Variants in CR2 observed in about 807,000 individuals in gnomAD.
CR2 encodes complement receptor type 2.
In CR2, 96 loss-of-function variants were observed where a neutral mutation model predicts 123.0. The observed-to-expected ratio is 0.78, with a 90% confidence interval of 0.66 to 0.93. The LOEUF is 0.93. CR2 is among the 40% of genes least tolerant of loss of function. The pLI is 0.00. For synonymous variants in CR2, 484 were observed against 469.5 expected, an observed-to-expected ratio of 1.03 and a Z score of -0.40; for missense variants, 1,258 against 1,361.0, an observed-to-expected ratio of 0.92 and a Z score of 1.19.
intron 15 of CR2, among the ~76,000 whole-genome samples, chr1:207,477,218 C>A (rs1480845989): frequency 6.6e-6 from 1 of 152,162 alleles, no homozygotes; most frequent in Non-Finnish European, 1.5e-5. Flanking sequence ...ACAATCATGG[C>A]AGAAGGTGAA....
At chr1:207,471,318 T>C (rs1469518484) in intron 8 of CR2, 105 bp from the exon 9 acceptor site, 18 of 984,582 alleles carry the variant, frequency 1.8e-5, no homozygotes, top group South Asian at 2.6e-5. Flanking sequence ...TTTTTGTTGC[T>C]ATTGCTTCTT....
At chr1:207,468,482 A>G in intron 2 of CR2, 45 bp from the exon 3 acceptor site, 1 of 1,592,056 alleles carries the variant, frequency 6.3e-7, no homozygotes, top group Non-Finnish European at 8.6e-7. Context: ...ATTGTGAAGG[A>G]TGCATCATCT....
chr1:207,463,510 A>C (rs569782534), intron 1 of CR2, among the ~76,000 whole-genome samples: 1 of 152,294 alleles, frequency 6.6e-6, no homozygotes, highest in Non-Finnish European at 1.5e-5. Flanking sequence ...ATTTGGCTTT[A>C]AATTGTATGA....
At chr1:207,478,300 A>G (rs1256034212) in intron 16 of CR2, among the ~76,000 whole-genome samples, 1 of 151,852 alleles carries the variant, frequency 6.6e-6, no homozygotes, top group East Asian at 1.9e-4. Flanking sequence ...AGGCAGGAGG[A>G]TTGCTTGAGC....
chr1:207,460,214 T>C (rs1012777298), intron 1 of CR2, among the ~76,000 whole-genome samples: 1 of 152,214 alleles, frequency 6.6e-6, no homozygotes, highest in Admixed American at 6.5e-5. Flanking sequence ...TGATATTCCT[T>C]ATAGAATCTT....
At chr1:207,466,025 A>G (rs1270387547) in intron 1 of CR2, among the ~76,000 whole-genome samples, 1 of 152,208 alleles carries the variant, frequency 6.6e-6, no homozygotes, top group Non-Finnish European at 1.5e-5. Context: ...TACTTTTAGC[A>G]CTGGATTCTC....
At chr1:207,476,048 G>A (rs188122877) in intron 14 of CR2, among the ~76,000 whole-genome samples, 186 bp from the exon 15 acceptor site, 2 of 152,100 alleles carry the variant, frequency 1.3e-5, no homozygotes, top group Admixed American at 1.3e-4. Context: ...AAATCATATT[G>A]GCTATCAGTA....
chr1:207,455,597 T>C (rs935272273), intron 1 of CR2, among the ~76,000 whole-genome samples: 1 of 152,242 alleles, frequency 6.6e-6, no homozygotes, highest in African/African-American at 2.4e-5. Context: ...AACTTTTTGC[T>C]TTCCTGACAT....
intron 16 of CR2, among the ~76,000 whole-genome samples, chr1:207,478,813 C>T (rs1658519839): frequency 6.6e-6 from 1 of 151,804 alleles, no homozygotes; most frequent in Admixed American, 6.6e-5. Flanking sequence ...TGCATTCTAA[C>T]CTGAGAAATC....
chr1:207,481,491 AATT>A (rs905721284), intron 18 of CR2, among the ~76,000 whole-genome samples: 1 of 152,126 alleles, frequency 6.6e-6, no homozygotes, highest in Non-Finnish European at 1.5e-5. Context: ...ACTATTTTGA[AATT>A]TTCTTCTATT....
In CR2 at chr1:207,470,113, C is replaced by T. The variant is rs199538918; in HGVS notation, c.1225+11C>T. On this transcript the variant is annotated intron_variant, in intron 6 of 19. Transcript: ENST00000367057. ...CAGTCTGTGAAAAGGGTGAGTGTTC[C>T]GGTACTCAGAAAAGGTGCTTCTGAT... 3,209 of 1,612,972 alleles carry T rather than the reference C, an allele frequency of 2.0e-3. 9 individuals are homozygous for T. Among genetic ancestry groups the T allele is most frequent in the Middle Eastern group, 3.8e-3 (21 of 5,536 alleles).
At position 207,474,326 on chromosome 1, in the gene CR2, A is replaced by G. The variant is rs369880781; in HGVS notation, c.2323+3A>G. On this transcript the variant is annotated splice_donor_region_variant and intron_variant, in intron 13 of 19. Coordinates refer to ENST00000367057, the MANE Select transcript of CR2 (RefSeq NM_001006658.3). ...CAAAAAGATTCCACTTTGTAAAGGT[A>G]AGTTAGAAAAAATAAAAGCCTGACA... 88 of 1,600,736 alleles carry G rather than the reference A, an allele frequency of 5.5e-5. No homozygotes were observed. The highest frequency in any genetic ancestry group is 6.8e-5 in the Non-Finnish European group (80 of 1,168,160).
chr1:207,458,099 C>CACACACACACACA (rs1558186158), intron 1 of CR2, among the ~76,000 whole-genome samples: 1 of 150,816 alleles, frequency 6.6e-6, no homozygotes, highest in African/African-American at 2.4e-5. Context: ...CACACACACA[C>CACACACACACACA]TCCTTTTTCA....
At chr1:207,472,021 C>T (rs543724261) in intron 9 of CR2, 24 of 182,894 alleles carry the variant, frequency 1.3e-4, no homozygotes, top group Admixed American at 9.7e-4. Context: ...AGGCTGAGGG[C>T]GGCAGATCAC....
intron 8 of CR2, 112 bp downstream of exon 8, chr1:207,471,199 C>T (rs771942333): frequency 3.6e-6 from 4 of 1,104,114 alleles, no homozygotes; most frequent in Non-Finnish European, 5.6e-6. Flanking sequence ...AAGAGTTTGT[C>T]TCATAGGTGC....
chr1:207,463,665 G>A (rs1393475034), intron 1 of CR2, among the ~76,000 whole-genome samples: 1 of 152,000 alleles, frequency 6.6e-6, no homozygotes, highest in Non-Finnish European at 1.5e-5. Context: ...TTAAGTTCTG[G>A]GGTACATGTG....
intron 1 of CR2, 40 bp from the exon 2 acceptor site, chr1:207,466,486 A>G: frequency 1.2e-6 from 2 of 1,611,746 alleles, no homozygotes; most frequent in Non-Finnish European, 1.7e-6. Flanking sequence ...TTTTCTCACC[A>G]TGATCAGTAT....
chr1:207,486,611 G>C (rs1658756386), intron 19 of CR2, among the ~76,000 whole-genome samples: 2 of 152,218 alleles, frequency 1.3e-5, no homozygotes, highest in African/African-American at 4.8e-5. Flanking sequence ...TGGAAGATGG[G>C]AGTCAATGAG....
intron 1 of CR2, among the ~76,000 whole-genome samples, chr1:207,465,379 C>T (rs1433339507): frequency 6.7e-6 from 1 of 150,268 alleles, no homozygotes; most frequent in Non-Finnish European, 1.5e-5. Context: ...CAGATAGCAC[C>T]AAAGTCAATG....
Sources: gnomAD v4.1 joint callset for allele counts (sites outside exome capture counted in the v4.1 genomes callset) on GRCh38, gnomAD v4.1.1 for gene constraint, MANE v1.5 for transcripts, NCBI Gene and HGNC (gene_info 2026-07-23, HGNC 2026-07-21) for gene names.